Variants in CPNE4 observed in about 807,000 individuals in gnomAD.
The protein encoded by CPNE4 is copine-4.
In CPNE4, 25 loss-of-function variants were observed where a neutral mutation model predicts 67.9. The observed-to-expected ratio is 0.37, with a 90% CI of 0.27 to 0.51. The LOEUF (loss-of-function observed/expected upper bound fraction) is 0.51. Among genes scored for constraint, CPNE4 ranks in the 20% least tolerant of loss-of-function variants. The pLI is 0.93. For synonymous variants in CPNE4, 242 were observed against 244.9 expected (o/e 0.99, Z 0.11); for missense variants, 464 against 690.8 (o/e 0.67, Z 3.68).
At chr3:131,774,345 A>G (rs923113468) in intron 2 of CPNE4, among the ~76,000 whole-genome samples, 42 of 152,066 alleles carry the variant, frequency 2.8e-4, no homozygotes, top group African/African-American at 9.4e-4. Flanking sequence ...GTAAGAAAAA[A>G]AAAAAAGGAC....
intron 1 of CPNE4, among the ~76,000 whole-genome samples, chr3:131,966,230 G>C (rs2072339881): frequency 6.6e-6 from 1 of 152,196 alleles, no homozygotes; most frequent in Non-Finnish European, 1.5e-5. Flanking sequence ...GCAGTGTTTA[G>C]AGGAAAATTT....
At chr3:131,731,207 C>T (rs951995583) in intron 2 of CPNE4, among the ~76,000 whole-genome samples, 11 of 152,196 alleles carry the variant, frequency 7.2e-5, no homozygotes, top group African/African-American at 2.7e-4. Context: ...CTGGGATGAA[C>T]ATGCCGGAGA....
At chr3:131,863,426 CTA>C (rs2086784078) in intron 2 of CPNE4, among the ~76,000 whole-genome samples, 1 of 152,160 alleles carries the variant, frequency 6.6e-6, no homozygotes. Context: ...TGGTATCTCA[CTA>C]TGGTTTCGAT....
chr3:131,670,838 T>G (rs1315638617), intron 6 of CPNE4, among the ~76,000 whole-genome samples: 28 of 152,164 alleles, frequency 1.8e-4, no homozygotes, highest in Admixed American at 1.8e-3. Flanking sequence ...TGAGATGGAT[T>G]TTTGCTTTTG....
At chr3:131,598,238 A>G (rs1939004245) in intron 7 of CPNE4, among the ~76,000 whole-genome samples, 1 of 152,140 alleles carries the variant, frequency 6.6e-6, no homozygotes. Flanking sequence ...CAACTCCTCC[A>G]TACTTCAGTT....
At chr3:131,598,876 A>G (rs1404940563) in intron 7 of CPNE4, among the ~76,000 whole-genome samples, 1 of 148,472 alleles carries the variant, frequency 6.7e-6, no homozygotes, top group Non-Finnish European at 1.5e-5. Flanking sequence ...AAATTACCCA[A>G]AGTGGTCCAT....
chr3:131,698,294 A>T (rs558685765), intron 4 of CPNE4, among the ~76,000 whole-genome samples: 2 of 149,236 alleles, frequency 1.3e-5, no homozygotes, highest in South Asian at 4.3e-4. Context: ...GGATATGTGG[A>T]GAAAGAAAAT....
intron 2 of CPNE4, among the ~76,000 whole-genome samples, chr3:131,778,530 A>G (rs965878876): frequency 4.6e-5 from 7 of 152,134 alleles, no homozygotes; most frequent in African/African-American, 1.4e-4. Context: ...CTTCTGGCAT[A>G]AAGTAGAGGG....
chr3:131,570,994 G>A (rs184272736), intron 10 of CPNE4, among the ~76,000 whole-genome samples: 5 of 150,900 alleles, frequency 3.3e-5, no homozygotes, highest in African/African-American at 9.7e-5. Context: ...CTTCTTGAAT[G>A]AATACTTACA....
At chr3:131,844,636 C>T (rs2085927385) in intron 2 of CPNE4, among the ~76,000 whole-genome samples, 1 of 152,120 alleles carries the variant, frequency 6.6e-6, no homozygotes, top group Non-Finnish European at 1.5e-5. Flanking sequence ...CTCCTTGAAG[C>T]TAAATTGTTA....
intron 7 of CPNE4, among the ~76,000 whole-genome samples, chr3:131,654,800 A>G (rs2079909657): frequency 6.6e-6 from 1 of 152,208 alleles, no homozygotes. Context: ...TTCTAGAGAC[A>G]TATTTTTTTA....
intron 2 of CPNE4, among the ~76,000 whole-genome samples, chr3:131,727,421 C>T (rs1280637061): frequency 5.3e-5 from 8 of 151,794 alleles, no homozygotes; most frequent in Admixed American, 2.6e-4. Flanking sequence ...GGTGAAACCC[C>T]GCCACTGCAC....
chr3:131,690,111 C>G (rs1396758978), intron 5 of CPNE4, among the ~76,000 whole-genome samples: 1 of 152,154 alleles, frequency 6.6e-6, no homozygotes, highest in Admixed American at 6.5e-5. Flanking sequence ...AATGGCCATA[C>G]TGCCAAAAGC....
At chr3:131,665,430 G>A (rs1007336362) in intron 7 of CPNE4, among the ~76,000 whole-genome samples, 5 of 152,160 alleles carry the variant, frequency 3.3e-5, no homozygotes, top group African/African-American at 1.2e-4. Context: ...AGACCATGGT[G>A]GGCAGATCAC....
upstream of CPNE4, among the ~76,000 whole-genome samples, chr3:132,036,275 C>T (rs899803846): frequency 6.6e-6 from 1 of 152,204 alleles, no homozygotes; most frequent in Non-Finnish European, 1.5e-5. Context: ...ACTTGGGTCA[C>T]ATGGCTATGC....
intron 3 of CPNE4, among the ~76,000 whole-genome samples, chr3:131,703,732 T>A (rs972476643): frequency 6.6e-6 from 1 of 151,958 alleles, no homozygotes. Flanking sequence ...GAATTTTTTT[T>A]ATATTCTTTA....
At chr3:131,767,787 T>C (rs2083060914) in intron 2 of CPNE4, among the ~76,000 whole-genome samples, 1 of 151,764 alleles carries the variant, frequency 6.6e-6, no homozygotes. Flanking sequence ...TATTTATTTA[T>C]TTATTTATTT....
At chr3:131,770,432 C>A (rs964961184) in intron 2 of CPNE4, among the ~76,000 whole-genome samples, 2 of 152,222 alleles carry the variant, frequency 1.3e-5, no homozygotes, top group Non-Finnish European at 2.9e-5. Flanking sequence ...CCCCGCAAAG[C>A]GGGGTAGAAC....
At chr3:132,000,544 G>T (rs189012106) in intron 1 of CPNE4, among the ~76,000 whole-genome samples, 1 of 150,934 alleles carries the variant, frequency 6.6e-6, no homozygotes, top group Non-Finnish European at 1.5e-5. Flanking sequence ...ACTAGTAAAC[G>T]TTAAGGACAA....
Sources: allele counts gnomAD v4.1 joint callset (sites outside exome capture counted in the v4.1 genomes callset), GRCh38; gene constraint gnomAD v4.1.1; transcripts MANE v1.5; gene names NCBI Gene and HGNC (gene_info 2026-07-23, HGNC 2026-07-21).